The following CD28 variants were observed in gnomAD, a reference collection of about 807,000 sequenced individuals.
The protein encoded by CD28 is T-cell-specific surface glycoprotein CD28.
Under a neutral mutation model 21.4 loss-of-function variants are expected in CD28, and 8 were observed. That is an observed-to-expected ratio of 0.37 (90% CI 0.22 to 0.68). The LOEUF (loss-of-function observed/expected upper bound fraction) is 0.68. Among genes scored for constraint, CD28 ranks in the 30% least tolerant of loss-of-function variants. CD28 has a pLI of 0.55. For synonymous variants in CD28, 106 were observed against 104.0 expected (o/e 1.02, Z -0.12); for missense variants, 239 against 272.2 (o/e 0.88, Z 0.86).
At chr2:203,722,425 T>C (rs1007766493) in intron 1 of CD28, among the ~76,000 whole-genome samples, 1 of 152,234 alleles carries the variant, frequency 6.6e-6, no homozygotes, top group Non-Finnish European at 1.5e-5. Flanking sequence ...AAAATATTTG[T>C]GGAACAAATA....
Position 203,738,701 on chromosome 2 carries a change from T to C in CD28, c.*3789T>C, listed in dbSNP as rs1559561402. 6.6e-6 allele frequency: 1 copy of C among 152,196 alleles called. No homozygotes were observed. The highest frequency in any genetic ancestry group is 2.4e-5 in the African/African-American group (1 of 41,440). The allele number at this position is 152,196 out of a possible 1,614,324, so 9.4% of individuals were successfully genotyped here. A position where few individuals can be genotyped will look rare whatever the true frequency, so the allele number is the denominator to read the frequency against. ...CCTTCAGGTCCTTGCTCAAGTGTCA[T>C]CTTCTCCCCTAGTTAAACTACCCCA... On this transcript the variant is annotated 3_prime_UTR_variant, in exon 4 of 4. Transcript: ENST00000324106.
chr2:203,712,917 T>G (rs1288737919), intron 1 of CD28, among the ~76,000 whole-genome samples: 1 of 152,238 alleles, frequency 6.6e-6, no homozygotes, highest in Non-Finnish European at 1.5e-5. Context: ...AGGTAGTTAC[T>G]ATGATTGCTA....
chr2:203,716,287 C>T (rs1693460554), intron 1 of CD28, among the ~76,000 whole-genome samples: 1 of 152,176 alleles, frequency 6.6e-6, no homozygotes, highest in African/African-American at 2.4e-5. Context: ...TCTACAAAAG[C>T]CTCCAGAATC....
chr2:203,706,773 T>C, intron 1 of CD28, 25 bp downstream of exon 1: 1 of 1,551,728 alleles, frequency 6.4e-7, no homozygotes, highest in East Asian at 2.2e-5. Flanking sequence ...TGTCTTTCTT[T>C]CTGTAAATAT....
At position 203,734,938 on chromosome 2, in the gene CD28, C is replaced by A. The variant is rs201276180; in HGVS notation, c.*26C>A. 1.2e-6 allele frequency: 2 copies of A among 1,610,016 alleles called. No homozygotes were observed. Among genetic ancestry groups the A allele is most frequent in the East Asian group, 2.2e-5 (1 of 44,850 alleles). ...CACGGACGCCTATCCAGAAGCCAGC[C>A]GGCTGGCAGCCCCCATCTGCTCAAT... On this transcript the variant is annotated 3_prime_UTR_variant, in exon 4 of 4. Coordinates refer to ENST00000324106, the MANE Select transcript of CD28 (RefSeq NM_006139.4).
At chr2:203,730,976 C>T (rs892780971) in intron 3 of CD28, among the ~76,000 whole-genome samples, 2 of 152,228 alleles carry the variant, frequency 1.3e-5, no homozygotes, top group African/African-American at 4.8e-5. Flanking sequence ...TTAGACTCTT[C>T]TTGGCCTATT....
At chr2:203,729,882 A>G in intron 3 of CD28, 110 bp downstream of exon 3, 1 of 1,125,144 alleles carries the variant, frequency 8.9e-7, no homozygotes, top group South Asian at 1.6e-5. Flanking sequence ...TAGGATGATG[A>G]TTTTCTTTTC....
At chr2:203,713,988 AT>A (rs1276264581) in intron 1 of CD28, among the ~76,000 whole-genome samples, 1 of 151,582 alleles carries the variant, frequency 6.6e-6, no homozygotes, top group African/African-American at 2.4e-5. Context: ...GAGGGTGGGG[AT>A]AGTTTTCTCA....
intron 1 of CD28, among the ~76,000 whole-genome samples, chr2:203,722,586 T>C (rs1693630895): frequency 6.6e-6 from 1 of 152,230 alleles, no homozygotes; most frequent in African/African-American, 2.4e-5. Context: ...TACTGTGTTA[T>C]GTAAAGAAGC....
intron 1 of CD28, among the ~76,000 whole-genome samples, chr2:203,717,169 A>G (rs763946951): frequency 1.4e-4 from 21 of 152,062 alleles, no homozygotes; most frequent in Non-Finnish European, 2.6e-4. Context: ...ATTAATCAGG[A>G]TTCTATTTCT....
In CD28 at chr2:203,734,746, A is replaced by T. The variant is rs778799984; in HGVS notation, c.535-38A>T. ...CCACAGTCTTAGAACTCCTTCCATG[A>T]CATTGTCCCTCCATACTGACACTTC... is the stretch of plus-strand genomic sequence containing the variant. On this transcript the variant is annotated intron_variant, in intron 3 of 3. Coordinates refer to ENST00000324106, the MANE Select transcript of CD28 (RefSeq NM_006139.4). The T allele has an allele frequency of 5.0e-6, 8 of 1,612,790 alleles. No individual in the cohort carries two copies. In the Admixed American group the frequency reaches 1.3e-4, roughly 27 times the overall value.
At chr2:203,713,663 G>A (rs1693376618) in intron 1 of CD28, among the ~76,000 whole-genome samples, 10 of 152,058 alleles carry the variant, frequency 6.6e-5, no homozygotes, top group Admixed American at 6.6e-4. Context: ...AGTGGAGGGG[G>A]ACAAAACAGA....
chr2:203,730,366 C>T (rs1465817913), intron 3 of CD28, among the ~76,000 whole-genome samples: 1 of 152,138 alleles, frequency 6.6e-6, no homozygotes, highest in African/African-American at 2.4e-5. Context: ...AATTGAAGTA[C>T]TAACTTTTGC....
chr2:203,725,740 A>G (rs2106119289), intron 1 of CD28, among the ~76,000 whole-genome samples: 1 of 152,286 alleles, frequency 6.6e-6, no homozygotes, highest in African/African-American at 2.4e-5. Flanking sequence ...AGATCTATGA[A>G]TTTCTTGGGG....
chr2:203,729,643 T>C lies in CD28; in HGVS notation c.410-5T>C, dbSNP rs1693835982. 1 of 1,612,624 alleles carries C rather than the reference T, an allele frequency of 6.2e-7. No homozygotes were observed. Among genetic ancestry groups the C allele is most frequent in the African/African-American group, 1.3e-5 (1 of 74,848 alleles). On this transcript the variant is annotated splice_polypyrimidine_tract_variant and splice_region_variant and intron_variant, in intron 2 of 3. Transcript: ENST00000324106. Reference sequence around the variant, plus strand: ...TCATTTAATCCACTCTATTTTGTTTTTCAGGGAAACACCTTTGTCCAAGTC... The same window carrying C: ...TCATTTAATCCACTCTATTTTGTTTCTCAGGGAAACACCTTTGTCCAAGTC...
At chr2:203,707,059 G>C (rs111779749) in intron 1 of CD28, among the ~76,000 whole-genome samples, 6 of 152,054 alleles carry the variant, frequency 3.9e-5, no homozygotes, top group African/African-American at 1.4e-4. Context: ...GCCCAGGCTG[G>C]TCTCAAACTT....
rs201159081 is a variant in CD28, at chr2:203,734,920, G to A, written c.*8G>A. On this transcript the variant is annotated 3_prime_UTR_variant, in exon 4 of 4. Transcript: ENST00000324106. Reference sequence around the variant, plus strand: ...GCAGCCTATCGCTCCTGACACGGACGCCTATCCAGAAGCCAGCCGGCTGGC... The same window carrying A: ...GCAGCCTATCGCTCCTGACACGGACACCTATCCAGAAGCCAGCCGGCTGGC... The A allele has an allele frequency of 4.3e-5, 70 of 1,613,294 alleles. 1 individual carries two copies. The Admixed American group carries it at 6.7e-4, about 15-fold the overall frequency.
intron 1 of CD28, among the ~76,000 whole-genome samples, chr2:203,710,873 T>C (rs1417862670): frequency 2.6e-5 from 4 of 152,218 alleles, no homozygotes; most frequent in African/African-American, 9.6e-5. Flanking sequence ...TCTTCTTCTC[T>C]TTCTCATGTT....
chr2:203,727,290 A>G (rs1693776534), intron 2 of CD28, among the ~76,000 whole-genome samples: 1 of 152,188 alleles, frequency 6.6e-6, no homozygotes, highest in South Asian at 2.1e-4. Context: ...AGAGGTTACC[A>G]TTAAAATGTA....
Sources: gnomAD v4.1 joint callset for allele counts (sites outside exome capture counted in the v4.1 genomes callset) on GRCh38, gnomAD v4.1.1 for gene constraint, MANE v1.5 for transcripts, NCBI Gene and HGNC (gene_info 2026-07-23, HGNC 2026-07-21) for gene names.